OGFOD2: variants seen among roughly 807,000 people sequenced by gnomAD.
The protein encoded by OGFOD2 is 2-oxoglutarate and iron-dependent oxygenase domain-containing protein 2.
OGFOD2 carries 34 observed loss-of-function variants against 31.1 expected under a neutral mutation model. The ratio of observed to expected loss-of-function variants is 1.09; its 90% CI spans 0.83 to 1.45. OGFOD2 has a LOEUF of 1.45. Among genes scored for constraint, OGFOD2 ranks in the 40% most tolerant of loss-of-function variants. OGFOD2 has a pLI of 0.00. For missense variants in OGFOD2, 537 were observed against 433.9 expected (o/e 1.24, Z -2.11); for synonymous variants, 240 against 192.3 (o/e 1.25, Z -2.05).
Position 122,975,881 on chromosome 12 carries a change from G to C in OGFOD2, c.189+14G>C. ...CTGTTAGCAGAGGTACCAGTCCCCTGCCCCTGCACAGCTCCTCCTCGTTAG... is the reference window on the plus strand; with the variant it reads ...CTGTTAGCAGAGGTACCAGTCCCCTCCCCCTGCACAGCTCCTCCTCGTTAG... On this transcript the variant is annotated intron_variant, in intron 2 of 6. Transcript: ENST00000228922. 1 of 700,698 alleles carries C rather than the reference G, an allele frequency of 1.4e-6. No individual in the cohort carries two copies. The highest frequency in any genetic ancestry group is 2.6e-6 in the Non-Finnish European group (1 of 383,078). The allele number at this position is 700,698 out of a possible 1,614,324, so 43.4% of individuals were successfully genotyped here. A position where few individuals can be genotyped will look rare whatever the true frequency, so the allele number is the denominator to read the frequency against.
intron 4 of OGFOD2, chr12:122,978,230 T>C (rs979578924): frequency 2.3e-5 from 13 of 560,970 alleles, no homozygotes; most frequent in African/African-American, 1.3e-4. Context: ...CTGTGGACAC[T>C]TGTAGAGTCT....
chr12:122,979,149 G>A (rs200445847), exon 7 of OGFOD2: 71 of 1,609,480 alleles, frequency 4.4e-5, no homozygotes, highest in Non-Finnish European at 3.4e-5. Flanking sequence ...CCTCCACCGT[G>A]GCGGCCAGCT....
rs200470247 is a variant in OGFOD2 at position 122,978,864 on chromosome 12, G to A, written c.643G>A (p.Asp215Asn). 1,809 of 1,611,124 alleles carry A rather than the reference G, an allele frequency of 1.1e-3. 1 individual carries two copies. Among genetic ancestry groups the A allele is most frequent in the Non-Finnish European group, 1.4e-3 (1,651 of 1,179,336 alleles). ...CCCTGACTGTGGCGGGGGCCGGCTCGACAGCCACCGGGCCTTTGTGGTCAA... is the reference window on the plus strand; with the variant it reads ...CCCTGACTGTGGCGGGGGCCGGCTCAACAGCCACCGGGCCTTTGTGGTCAA... The change falls in exon 6 of 7, where the codon GAC (aspartate) becomes AAC (asparagine). Residue 215 changes from aspartate to asparagine, a missense_variant. Physicochemically the swap from Asp to Asn is conservative, Grantham distance 23 (BLOSUM62 1). Coordinates refer to ENST00000228922, the Ensembl canonical transcript of OGFOD2.
chr12:122,977,944 T>C (rs1163182565), intron 4 of OGFOD2: 1 of 158,160 alleles, frequency 6.3e-6, no homozygotes, highest in Non-Finnish European at 1.4e-5. Context: ...AAGAAATGTT[T>C]AGGTTTCCAT....
chr12:122,977,008 A>AT, intron 4 of OGFOD2, 38 bp downstream of exon 4: 1 of 1,587,170 alleles, frequency 6.3e-7, no homozygotes, highest in Non-Finnish European at 8.6e-7. Context: ...GGACCAGGGA[A>AT]TGGCAGCCTG....
chr12:122,976,673 G>T (rs774165518), exon 3 of OGFOD2: 2 of 1,610,094 alleles, frequency 1.2e-6, no homozygotes, highest in African/African-American at 1.3e-5. Flanking sequence ...GAGGTGGAGC[G>T]GCGGCAGCGG....
intron 5 of OGFOD2, 77 bp downstream of exon 5, chr12:122,978,646 C>T (rs541219358): frequency 6.3e-7 from 1 of 1,591,660 alleles, no homozygotes; most frequent in South Asian, 1.1e-5. Context: ...TGCAGATGGG[C>T]TGCCTGCCCG....
chr12:122,978,345 A>G, intron 4 of OGFOD2, 97 bp from the exon 5 acceptor site: 1 of 1,500,888 alleles, frequency 6.7e-7, no homozygotes, highest in Non-Finnish European at 9.1e-7. Flanking sequence ...CAAAGGCCTC[A>G]TCTCCATGGC....
chr12:122,974,893 C>G, upstream of OGFOD2: 1 of 190,312 alleles, frequency 5.3e-6, no homozygotes, highest in Non-Finnish European at 1.1e-5. Context: ...TGGTTCTCCA[C>G]GAGCTCCGGG....
At chr12:122,979,189 A>G in exon 7 of OGFOD2, 1 of 1,611,816 alleles carries the variant, frequency 6.2e-7, no homozygotes, top group African/African-American at 1.3e-5. Context: ...GGCACTGGTG[A>G]GCGTTGGAAC....
At chr12:122,978,167 T>G (rs1312360833) in intron 4 of OGFOD2, 1 of 327,682 alleles carries the variant, frequency 3.1e-6, no homozygotes, top group Non-Finnish European at 5.9e-6. Flanking sequence ...CCTGGGCTAC[T>G]TCCTTCCCCT....
chr12:122,975,634 A>G (rs1432064865), intron 1 of OGFOD2, 177 bp from the exon 2 acceptor site: 2 of 610,056 alleles, frequency 3.3e-6, no homozygotes, highest in Admixed American at 5.2e-5. Flanking sequence ...GCCGCCTCAC[A>G]GCAACACCAG....
Position 122,979,080 on chromosome 12 carries a change from C to T in OGFOD2, c.790-3C>T. On this transcript the variant is annotated splice_polypyrimidine_tract_variant and splice_region_variant and intron_variant, in intron 6 of 6. Transcript: ENST00000228922. ...GCCCAGGCCTGAGTCGTGCCATCTG[C>T]AGGCACCCACAGCCCTGACGGAGCC... is the stretch of plus-strand genomic sequence containing the variant. The T allele has an allele frequency of 6.3e-7, 1 of 1,596,066 alleles. No homozygotes were observed. Among genetic ancestry groups the T allele is most frequent in the South Asian group, 1.1e-5 (1 of 89,842 alleles).
At chr12:122,974,871 C>T (rs1366942937), upstream of OGFOD2, 2 of 177,856 alleles carry the variant, frequency 1.1e-5, no homozygotes, top group Non-Finnish European at 2.4e-5. Flanking sequence ...TTTAAACTGT[C>T]CTCAGCTCGG....
At chr12:122,979,199 C>A (rs773573060) in exon 7 of OGFOD2, 1 of 1,612,262 alleles carries the variant, frequency 6.2e-7, no homozygotes, top group East Asian at 2.2e-5. Flanking sequence ...AGCGTTGGAA[C>A]CTTGTCGTCT....
exon 7 of OGFOD2, chr12:122,979,392 G>C: frequency 6.4e-7 from 1 of 1,553,308 alleles, no homozygotes; most frequent in Non-Finnish European, 8.7e-7. Context: ...TGAGGGCTCC[G>C]TTGCCTTGGT....
At chr12:122,975,504 T>C in intron 1 of OGFOD2, 121 bp downstream of exon 1, 1 of 592,152 alleles carries the variant, frequency 1.7e-6, no homozygotes. Context: ...AATACAAGAA[T>C]GACGGCCTCT....
At chr12:122,978,569 G>T in exon 5 of OGFOD2, 1 of 1,612,302 alleles carries the variant, frequency 6.2e-7, no homozygotes, top group Non-Finnish European at 8.5e-7. Flanking sequence ...ACAACTACGG[G>T]GTGGGTGAGG....
intron 5 of OGFOD2, 87 bp downstream of exon 5, chr12:122,978,656 G>C: frequency 6.3e-7 from 1 of 1,587,896 alleles, no homozygotes; most frequent in Admixed American, 1.7e-5. Flanking sequence ...CTGCCTGCCC[G>C]GGCTGCGAAA....
Sources: gnomAD v4.1 joint callset for allele counts on GRCh38, gnomAD v4.1.1 for gene constraint, MANE v1.5 for transcripts, NCBI Gene and HGNC (gene_info 2026-07-23, HGNC 2026-07-21) for gene names.